ZKSCAN7: variants seen among roughly 807,000 people sequenced by gnomAD.
The protein encoded by ZKSCAN7 is zinc finger with KRAB and SCAN domains 7.
In ZKSCAN7, 38 loss-of-function variants were observed where a neutral mutation model predicts 65.3. That is an observed-to-expected ratio of 0.58 (90% CI 0.45 to 0.76). The LOEUF is 0.76. Among genes scored for constraint, ZKSCAN7 ranks in the 30% least tolerant of loss-of-function variants. The pLI, the probability that ZKSCAN7 is intolerant of heterozygous loss-of-function variation, is 0.00. For missense variants in ZKSCAN7, 815 were observed against 913.3 expected (o/e 0.89, Z 1.39); for synonymous variants, 321 against 321.0 (o/e 1.00, Z 0.00).
At chr3:44,581,463 AT>A (rs1298376674) in intron 5 of ZKSCAN7, among the ~76,000 whole-genome samples, 1 of 152,230 alleles carries the variant, frequency 6.6e-6, no homozygotes, top group Non-Finnish European at 1.5e-5. Context: ...CATCAGATAA[AT>A]CACACGGGTT....
rs766975924 is a variant in ZKSCAN7 at position 44,571,146 on chromosome 3, T to C, written c.2036T>C (p.Met679Thr). 6.2e-7 allele frequency: 1 copy of C among 1,614,184 alleles called. No homozygotes were observed. Among genetic ancestry groups the C allele is most frequent in the Non-Finnish European group, 8.5e-7 (1 of 1,180,024 alleles). ...GKVFSYSSSL[M>T]VHQRTHTGEK... The stretch of plus-strand genomic sequence containing the variant: ...GTATTCAGTTATAGCTCCAGCCTTA[T>C]GGTACATCAGAGAACCCATACTGGG... The change falls in exon 6 of 6, where the codon ATG becomes ACG. Residue 679 changes from methionine to threonine, a missense_variant. Met to Thr is a moderately conservative substitution (Grantham distance 81). Coordinates refer to ENST00000426540, the MANE Select transcript of ZKSCAN7 (RefSeq NM_001288590.2).
chr3:44,569,224 G>T (rs115384755), intron 5 of ZKSCAN7, among the ~76,000 whole-genome samples: 37 of 152,308 alleles, frequency 2.4e-4, no homozygotes, highest in African/African-American at 8.9e-4. Context: ...ATCACCTGTG[G>T]CCCATCGTGG....
downstream of ZKSCAN7, among the ~76,000 whole-genome samples, chr3:44,576,961 A>G (rs1168642498): frequency 2.0e-5 from 3 of 152,076 alleles, no homozygotes; most frequent in African/African-American, 7.2e-5. Flanking sequence ...ATTGGAAACA[A>G]AATCTTTTTT....
At position 44,570,439 on chromosome 3, in the gene ZKSCAN7, G is replaced by A. The variant is rs1167266079; in HGVS notation, c.1329G>A (p.Glu443=). The A allele has an allele frequency of 6.2e-7, 1 of 1,613,992 alleles. No homozygotes were observed. Among genetic ancestry groups the A allele is most frequent in the Non-Finnish European group, 8.5e-7 (1 of 1,180,022 alleles). Reference sequence around the variant, plus strand: ...GGGAAAAACCCTATGAATGCAGTGAGTGTGGAAAGGCCTATAGGCACAGCT... The same window carrying A: ...GGGAAAAACCCTATGAATGCAGTGAATGTGGAAAGGCCTATAGGCACAGCT... ...HTGEKPYECS[E]CGKAYRHSSH... is the part of the protein sequence containing the mutation. Residue 443 remains glutamate, a synonymous_variant, in exon 6 of 6, where the codon GAG becomes GAA. Transcript: ENST00000426540.
At chr3:44,579,993 G>T (rs1248249086) in intron 5 of ZKSCAN7, 4 of 1,580,538 alleles carry the variant, frequency 2.5e-6, no homozygotes, top group Non-Finnish European at 2.6e-6. Context: ...GGCTTCATTG[G>T]TGAAGTCCTG....
At chr3:44,559,930 G>A (rs1262605105) in intron 2 of ZKSCAN7, among the ~76,000 whole-genome samples, 1 of 152,222 alleles carries the variant, frequency 6.6e-6, no homozygotes, top group Non-Finnish European at 1.5e-5. Flanking sequence ...GCCAGCCATG[G>A]CAATGACAGG....
chr3:44,561,565 G>T (rs1327055878), intron 2 of ZKSCAN7, among the ~76,000 whole-genome samples: 1 of 152,158 alleles, frequency 6.6e-6, no homozygotes, highest in African/African-American at 2.4e-5. Context: ...TCTCATCTGA[G>T]ACAGGGTAAG....
In ZKSCAN7 at chr3:44,570,765, A is replaced by T. The variant is rs764160901; in HGVS notation, c.1655A>T (p.Glu552Val). 1 of 1,614,150 alleles carries T rather than the reference A, an allele frequency of 6.2e-7. No individual in the cohort carries two copies. The highest frequency in any genetic ancestry group is 1.7e-5 in the Admixed American group (1 of 60,026). Residue 552 changes from glutamate to valine, a missense_variant, in exon 6 of 6, where the codon GAG becomes GTG. Transcript: ENST00000426540. ...QRIHTGEKPY[E>V]CSECGKAFSR... is the part of the protein sequence containing the mutation. ...ATCCACACTGGGGAGAAGCCTTATG[A>T]GTGTAGTGAATGTGGCAAAGCCTTC... is the stretch of plus-strand genomic sequence containing the variant.
downstream of ZKSCAN7, chr3:44,572,159 G>A: frequency 1.0e-6 from 1 of 985,260 alleles, no homozygotes. Context: ...TAAAATCTCA[G>A]CTCTCACATT....
At chr3:44,564,894 A>C (rs1014774266) in intron 2 of ZKSCAN7, among the ~76,000 whole-genome samples, 2 of 152,002 alleles carry the variant, frequency 1.3e-5, no homozygotes, top group African/African-American at 4.8e-5. Context: ...TCCACCTCCC[A>C]GGATCAAGTG....
chr3:44,577,035 C>T (rs1699935317), downstream of ZKSCAN7, among the ~76,000 whole-genome samples: 1 of 151,856 alleles, frequency 6.6e-6, no homozygotes, highest in Non-Finnish European at 1.5e-5. Context: ...ATGATCATGG[C>T]TTACTGCAAC....
intron 2 of ZKSCAN7, among the ~76,000 whole-genome samples, chr3:44,558,921 G>T (rs1367982618): frequency 6.6e-6 from 1 of 151,314 alleles, no homozygotes; most frequent in Non-Finnish European, 1.5e-5. Context: ...TGGTACCACA[G>T]TCATGTGCCA....
In ZKSCAN7 at chr3:44,571,397, G is replaced by A; in HGVS notation, c.*22G>A. 1 of 1,612,582 alleles carries A rather than the reference G, an allele frequency of 6.2e-7. No individual in the cohort carries two copies. The highest frequency in any genetic ancestry group is 2.2e-5 in the East Asian group (1 of 44,876). On this transcript the variant is annotated 3_prime_UTR_variant, in exon 6 of 6. Transcript: ENST00000426540. ...TTAAGGTATGGTTCTCTGAGACAGA[G>A]AGCAACGACCTTTGAGTTAAGCTGT...
chr3:44,555,311 C>T lies in ZKSCAN7; in HGVS notation c.-289C>T, dbSNP rs1266687754. On this transcript the variant is annotated 5_prime_UTR_variant, in exon 1 of 6. Coordinates refer to ENST00000426540, the MANE Select transcript of ZKSCAN7 (RefSeq NM_001288590.2). ...GAGGCGCGGCCGGAGCTCGGGTCGC[C>T]GACGCTGGCCAGGACCGCGCTTCTT... 1 of 152,272 alleles carries T rather than the reference C, an allele frequency of 6.6e-6. No individual in the cohort carries two copies. Among genetic ancestry groups the T allele is most frequent in the African/African-American group, 2.4e-5 (1 of 41,470 alleles). 9.4% of individuals were successfully genotyped at this position (152,272 alleles called of 1,614,324 possible).
downstream of ZKSCAN7, chr3:44,572,167 A>G: frequency 1.0e-6 from 1 of 985,396 alleles, no homozygotes; most frequent in South Asian, 4.7e-5. Flanking sequence ...CAGCTCTCAC[A>G]TTGAATTATC....
intron 5 of ZKSCAN7, chr3:44,581,129 A>C (rs1480530019): frequency 9.2e-6 from 9 of 977,572 alleles, no homozygotes; most frequent in Admixed American, 6.3e-5. Context: ...CGGCCCTGCC[A>C]CAGGCCCTGA....
chr3:44,574,418 T>C (rs1204245588), downstream of ZKSCAN7, among the ~76,000 whole-genome samples: 1 of 152,222 alleles, frequency 6.6e-6, no homozygotes, highest in Non-Finnish European at 1.5e-5. Flanking sequence ...TTTTCAATCT[T>C]ATGCCACTTA....
intron 5 of ZKSCAN7, among the ~76,000 whole-genome samples, chr3:44,579,758 G>T (rs1700018928): frequency 6.6e-6 from 1 of 152,198 alleles, no homozygotes; most frequent in African/African-American, 2.4e-5. Context: ...CAAGTCGGCT[G>T]CCTCCTCAGC....
intron 2 of ZKSCAN7, among the ~76,000 whole-genome samples, chr3:44,560,602 T>A (rs1699445079): frequency 6.8e-6 from 1 of 147,798 alleles, no homozygotes; most frequent in Non-Finnish European, 1.5e-5. Context: ...AAGCTCCGCC[T>A]CCTTCACGCC....
Sources: gnomAD v4.1 joint callset for allele counts (sites outside exome capture counted in the v4.1 genomes callset) on GRCh38, gnomAD v4.1.1 for gene constraint, MANE v1.5 for transcripts, NCBI Gene and HGNC (gene_info 2026-07-23, HGNC 2026-07-21) for gene names.